ALDH1A2: variants seen among roughly 807,000 people sequenced by gnomAD.
ALDH1A2 encodes the protein aldehyde dehydrogenase 1 family member A2.
Under a neutral mutation model 60.3 loss-of-function variants are expected in ALDH1A2, and 27 were observed. The observed-to-expected ratio is 0.45, with a 90% CI of 0.33 to 0.62. The LOEUF (loss-of-function observed/expected upper bound fraction) is 0.62. ALDH1A2 is among the 20% of genes least tolerant of loss of function. The pLI, the probability that ALDH1A2 is intolerant of heterozygous loss-of-function variation, is 0.02. For missense variants in ALDH1A2, 581 were observed against 643.8 expected, an observed-to-expected ratio of 0.90 and a Z score of 1.06; for synonymous variants, 289 against 232.4, an observed-to-expected ratio of 1.24 and a Z score of -2.21.
chr15:58,019,376 G>C (rs1224641728), intron 1 of ALDH1A2, among the ~76,000 whole-genome samples: 1 of 152,168 alleles, frequency 6.6e-6, no homozygotes, highest in African/African-American at 2.4e-5. Context: ...GTTAATCTCA[G>C]TATAAGAAAC....
chr15:58,046,250 T>TTTTTGAAAGCC (rs1424905886), intron 1 of ALDH1A2, among the ~76,000 whole-genome samples: 1 of 152,052 alleles, frequency 6.6e-6, no homozygotes, highest in Non-Finnish European at 1.5e-5. Context: ...AAAGTTTGGC[T>TTTTTGAAAGCC]TTTTGAAAGC....
At chr15:58,035,412 T>G (rs1429931973) in intron 1 of ALDH1A2, among the ~76,000 whole-genome samples, 2 of 151,522 alleles carry the variant, frequency 1.3e-5, no homozygotes, top group African/African-American at 4.8e-5. Context: ...ACAGTTTTAT[T>G]GTCTTTATTG....
chr15:58,061,212 C>T (rs1222560797), intron 1 of ALDH1A2, among the ~76,000 whole-genome samples: 1 of 151,998 alleles, frequency 6.6e-6, no homozygotes, highest in Non-Finnish European at 1.5e-5. Context: ...ATGAAATTGT[C>T]CAGCTTCCCT....
At chr15:58,057,083 T>C (rs568286953) in intron 1 of ALDH1A2, among the ~76,000 whole-genome samples, 7 of 152,214 alleles carry the variant, frequency 4.6e-5, no homozygotes, top group South Asian at 2.1e-4. Flanking sequence ...ACATCCTAGA[T>C]GCTCTCTCAC....
chr15:58,028,399 A>C (rs931580732), intron 1 of ALDH1A2, among the ~76,000 whole-genome samples: 1 of 152,236 alleles, frequency 6.6e-6, no homozygotes, highest in East Asian at 1.9e-4. Context: ...TCCTGAAAGA[A>C]GCACTAAACA....
intron 1 of ALDH1A2, among the ~76,000 whole-genome samples, chr15:58,027,679 A>ATAAACAGTGTAGAGAAGACCT (rs1446433974): frequency 6.6e-6 from 1 of 152,154 alleles, no homozygotes; most frequent in East Asian, 1.9e-4. Flanking sequence ...GCTAACTAGA[A>ATAAACAGTGTAGAGAAGACCT]TAAACAGTGT....
At chr15:58,033,230 G>T (rs767108522) in intron 1 of ALDH1A2, among the ~76,000 whole-genome samples, 14 of 151,784 alleles carry the variant, frequency 9.2e-5, no homozygotes, top group Admixed American at 1.3e-4. Flanking sequence ...ATAAATATGT[G>T]CAAATAAAAA....
intron 1 of ALDH1A2, among the ~76,000 whole-genome samples, chr15:58,040,308 G>C (rs1243147278): frequency 6.6e-6 from 1 of 151,822 alleles, no homozygotes; most frequent in Non-Finnish European, 1.5e-5. Flanking sequence ...CAAGAGCTGT[G>C]CTAATAGAAC....
chr15:58,032,481 T>C (rs2140542749), intron 1 of ALDH1A2, among the ~76,000 whole-genome samples: 1 of 152,262 alleles, frequency 6.6e-6, no homozygotes, highest in East Asian at 1.9e-4. Flanking sequence ...GTTGTGCACA[T>C]GTACCCTAAA....
In ALDH1A2 at chr15:58,006,993, C is replaced by G. The variant is rs7171504; in HGVS notation, c.493+3656G>C. On this transcript the variant is annotated intron_variant, in intron 4 of 12. Transcript: ENST00000249750. ...TAGTGTTGAGTGCTGTCTAGTGTTC[C>G]TAAGTGCAAGAATGCTGTAATGTGC... Among the ~76,000 whole-genome samples the G allele has an allele frequency of 2.4e-3, 357 of 151,678 alleles. 1 individual carries two copies. Among genetic ancestry groups the G allele is most frequent in the African/African-American group, 8.3e-3 (344 of 41,392 alleles).
At chr15:57,996,849 A>G (rs566855407) in intron 4 of ALDH1A2, among the ~76,000 whole-genome samples, 5 of 152,202 alleles carry the variant, frequency 3.3e-5, no homozygotes, top group African/African-American at 7.2e-5. Context: ...CTAATCTGAT[A>G]GCTGGAAAAC....
chr15:57,990,949 G>T lies in ALDH1A2; in HGVS notation c.798+1756C>A, dbSNP rs963754650. ...AATCAGGACCATTGGTTGGTCAACAGAAAAAGGTTAAAGCAGAAAAAGATA... is the reference window on the plus strand; with the variant it reads ...AATCAGGACCATTGGTTGGTCAACATAAAAAGGTTAAAGCAGAAAAAGATA... On this transcript the variant is annotated intron_variant, in intron 7 of 12. Transcript: ENST00000249750. Among the ~76,000 whole-genome samples, 9 of 150,858 alleles carry T rather than the reference G, an allele frequency of 6.0e-5. No homozygotes were observed. The South Asian group carries it at 1.5e-3, about 25-fold the overall frequency.
At chr15:57,991,947 A>G (rs1894908965) in intron 7 of ALDH1A2, among the ~76,000 whole-genome samples, 1 of 152,104 alleles carries the variant, frequency 6.6e-6, no homozygotes, top group African/African-American at 2.4e-5. Context: ...CTGACTTGTG[A>G]CTCTGTAACA....
In ALDH1A2 at chr15:57,993,047, G is replaced by A; in HGVS notation, c.582C>T (p.Ala194=). ...IPWNFPLLMF[A]WKIAPALCCG... ...AGCACAAAGCTGGAGCTATTTTCCA[G>A]GCAAACATCAGCAGGGGGAAGTTCC... is the stretch of plus-strand genomic sequence containing the variant. Residue 194 remains alanine (A), a synonymous_variant, in exon 6 of 13, where the codon GCC becomes GCT. Coordinates refer to ENST00000249750, the MANE Select transcript of ALDH1A2 (RefSeq NM_003888.4). 1.9e-6 allele frequency: 3 copies of A among 1,612,976 alleles called. No individual in the cohort carries two copies. Among genetic ancestry groups the A allele is most frequent in the Non-Finnish European group, 1.7e-6 (2 of 1,179,936 alleles).
At chr15:57,980,391 C>T in intron 7 of ALDH1A2, 1 of 367,660 alleles carries the variant, frequency 2.7e-6, no homozygotes, top group South Asian at 2.7e-5. Flanking sequence ...GAGAGGTTTT[C>T]CAGCTGGTGC....
chr15:58,034,472 T>C (rs1421958757), intron 1 of ALDH1A2, among the ~76,000 whole-genome samples: 4 of 151,718 alleles, frequency 2.6e-5, no homozygotes, highest in Non-Finnish European at 3.0e-5. Flanking sequence ...CTTTTCTTAC[T>C]GCATTAACTA....
chr15:57,954,644 C>T lies in ALDH1A2; in HGVS notation c.*553G>A, dbSNP rs1893456765. ...CTGGCATTTTCATTCTGGTCTGACT[C>T]TAGCTAAAACCATTTCATGTTTTGC... On this transcript the variant is annotated 3_prime_UTR_variant, in exon 13 of 13. Transcript: ENST00000249750. 2 of 177,564 alleles carry T rather than the reference C, an allele frequency of 1.1e-5. No homozygotes were observed. Among genetic ancestry groups the T allele is most frequent in the South Asian group, 2.6e-4 (2 of 7,718 alleles). 11.0% of individuals were successfully genotyped at this position (177,564 alleles called of 1,614,324 possible). A position where few individuals can be genotyped will look rare whatever the true frequency, so the allele number is the denominator to read the frequency against.
At chr15:58,047,780 C>T (rs1166613166) in intron 1 of ALDH1A2, among the ~76,000 whole-genome samples, 1 of 151,890 alleles carries the variant, frequency 6.6e-6, no homozygotes, top group Non-Finnish European at 1.5e-5. Context: ...CTGTTGACTT[C>T]CATTATTCAT....
chr15:58,017,245 T>A (rs1415109884), intron 1 of ALDH1A2, among the ~76,000 whole-genome samples: 10 of 152,176 alleles, frequency 6.6e-5, no homozygotes, highest in Non-Finnish European at 1.5e-4. Flanking sequence ...CCTGCTCTGA[T>A]AAAAGGACAT....
Sources: gnomAD v4.1 joint callset for allele counts (sites outside exome capture counted in the v4.1 genomes callset) on GRCh38, gnomAD v4.1.1 for gene constraint, MANE v1.5 for transcripts, NCBI Gene and HGNC (gene_info 2026-07-23, HGNC 2026-07-21) for gene names.